The following STARD13 variants were observed in gnomAD, a reference collection of about 807,000 sequenced individuals.
The protein encoded by STARD13 is StAR related lipid transfer domain containing 13, also known as stAR-related lipid transfer protein 13.
A neutral mutation model predicts 106.4 loss-of-function variants in STARD13; 62 were observed. The observed-to-expected ratio is 0.58, with a 90% CI of 0.48 to 0.72. The LOEUF (loss-of-function observed/expected upper bound fraction) is 0.72. Ranked by LOEUF, STARD13 falls within the 30% of genes least tolerant of loss-of-function variation. The probability of loss-of-function intolerance (pLI) is 0.00; values close to 1 mark genes in which losing one functional copy is unlikely to be tolerated. For synonymous variants in STARD13, 565 were observed against 553.0 expected (o/e 1.02, Z -0.31); for missense variants, 1,387 against 1,424.0 (o/e 0.97, Z 0.42).
At chr13:33,296,770 C>T (rs879788968) in intron 1 of STARD13, among the ~76,000 whole-genome samples, 7 of 152,204 alleles carry the variant, frequency 4.6e-5, no homozygotes, top group African/African-American at 1.4e-4. Flanking sequence ...AGGGGCCCCC[C>T]ACCACGCCCA....
At chr13:33,504,150 G>A in the STARD13 span, among the ~76,000 whole-genome samples, 1 of 152,154 alleles carries the variant, frequency 6.6e-6, no homozygotes, top group African/African-American at 2.4e-5. Context: ...CTTTTACACT[G>A]TTGGTGGGAC....
At chr13:33,385,429 AACT>A in the STARD13 span, among the ~76,000 whole-genome samples, 1 of 145,864 alleles carries the variant, frequency 6.9e-6, no homozygotes, top group East Asian at 2.0e-4. Flanking sequence ...AAGCCAGAGG[AACT>A]GGTAACTGAG....
the STARD13 span, among the ~76,000 whole-genome samples, chr13:33,447,252 G>A: frequency 6.6e-6 from 1 of 152,190 alleles, no homozygotes; most frequent in South Asian, 2.1e-4. Context: ...ACAACTATGT[G>A]CCCTAGGCAA....
the STARD13 span, among the ~76,000 whole-genome samples, chr13:33,660,164 A>G: frequency 9.8e-5 from 10 of 102,090 alleles, no homozygotes; most frequent in African/African-American, 3.3e-4. Flanking sequence ...AAGCAGAACC[A>G]TGGTTTTTAT....
At chr13:33,584,718 C>T in the STARD13 span, among the ~76,000 whole-genome samples, 1 of 152,116 alleles carries the variant, frequency 6.6e-6, no homozygotes, top group Admixed American at 6.5e-5. Context: ...TACCTTAAGA[C>T]TGTCCCTGTT....
the STARD13 span, among the ~76,000 whole-genome samples, chr13:33,505,427 A>G: frequency 1.3e-5 from 2 of 152,198 alleles, no homozygotes; most frequent in Non-Finnish European, 2.9e-5. Context: ...ACAAAAATGA[A>G]TCTTTATATA....
chr13:33,454,030 T>C, the STARD13 span, among the ~76,000 whole-genome samples: 1 of 152,230 alleles, frequency 6.6e-6, no homozygotes, highest in Admixed American at 6.5e-5. Flanking sequence ...TTACTTAATG[T>C]CTCATCTCCT....
At chr13:33,460,223 C>G in the STARD13 span, among the ~76,000 whole-genome samples, 2 of 151,850 alleles carry the variant, frequency 1.3e-5, no homozygotes, top group African/African-American at 2.4e-5. Flanking sequence ...CACGATGGCT[C>G]ATGTCTGTAA....
At chr13:33,183,500 C>T (rs1594065223) in intron 1 of STARD13, among the ~76,000 whole-genome samples, 1 of 152,242 alleles carries the variant, frequency 6.6e-6, no homozygotes, top group African/African-American at 2.4e-5. Context: ...GGCTGAAGGG[C>T]ACATGCCAGG....
rs140558011 is a variant in STARD13 at position 33,157,476 on chromosome 13, T to C, written c.323+7861A>G. On this transcript the variant is annotated intron_variant, in intron 3 of 13. Transcript: ENST00000336934. ...TGAGGTCACGAGTTTGAAACCAGCC[T>C]GGCCAACATGGAGAAACCCCATCGC... Among the ~76,000 whole-genome samples the C allele has an allele frequency of 3.4e-3, 518 of 152,294 alleles. 5 individuals carry two copies. Among genetic ancestry groups the C allele is most frequent in the African/African-American group, 0.012 (492 of 41,554 alleles).
At chr13:33,431,468 T>G in the STARD13 span, among the ~76,000 whole-genome samples, 1 of 152,250 alleles carries the variant, frequency 6.6e-6, no homozygotes, top group Non-Finnish European at 1.5e-5. Context: ...GACTCACATT[T>G]GTAGCTCACA....
At chr13:33,633,235 A>G in the STARD13 span, among the ~76,000 whole-genome samples, 714 of 152,324 alleles carry the variant, frequency 4.7e-3, 14 homozygotes, top group African/African-American at 0.016. Flanking sequence ...CTAAGGAAAG[A>G]TTTGATGGTT....
chr13:33,660,413 A>G, the STARD13 span, among the ~76,000 whole-genome samples: 2,386 of 152,316 alleles, frequency 0.016, 53 homozygotes, highest in African/African-American at 0.053. Context: ...AAAGTTGCCA[A>G]ATCTTACATT....
the STARD13 span, among the ~76,000 whole-genome samples, chr13:33,379,561 C>T: frequency 6.6e-6 from 1 of 152,254 alleles, no homozygotes; most frequent in African/African-American, 2.4e-5. Context: ...TGCCTGTTCT[C>T]TCACTGGGAA....
chr13:33,153,912 A>G (rs1218799531), intron 3 of STARD13, among the ~76,000 whole-genome samples: 1 of 152,122 alleles, frequency 6.6e-6, no homozygotes, highest in Non-Finnish European at 1.5e-5. Flanking sequence ...GGGCCCTCCA[A>G]GACATTCAGG....
Position 33,285,388 on chromosome 13 carries a change from C to A in STARD13, c.169+82G>T, listed in dbSNP as rs1210831774. ...CCATATGTTATAAAGTGGAAACAAA[C>A]AAACAAAAAAAACTGGGTTAGCATG... On this transcript the variant is annotated intron_variant, in intron 1 of 13. Coordinates refer to ENST00000336934, the MANE Select transcript of STARD13 (RefSeq NM_178006.4). 4 of 1,444,536 alleles carry A rather than the reference C, an allele frequency of 2.8e-6. No individual in the cohort carries two copies. The African/African-American group carries it at 4.3e-5, about 15-fold the overall frequency. The allele number at this position is 1,444,536 out of a possible 1,614,324, so 89.5% of individuals were successfully genotyped here. A position where few individuals can be genotyped will look rare whatever the true frequency, so the allele number is the denominator to read the frequency against.
the STARD13 span, among the ~76,000 whole-genome samples, chr13:33,508,277 C>A: frequency 6.6e-6 from 1 of 152,132 alleles, no homozygotes; most frequent in Non-Finnish European, 1.5e-5. Flanking sequence ...GACAGGCCAA[C>A]AAAGGAATAT....
intron 1 of STARD13, among the ~76,000 whole-genome samples, chr13:33,270,635 G>C (rs904663011): frequency 6.6e-6 from 1 of 152,120 alleles, no homozygotes; most frequent in Admixed American, 6.5e-5. Context: ...GAGAACCCAG[G>C]CCTCCCGTAC....
chr13:33,142,789 G>T (rs750588212), intron 3 of STARD13, among the ~76,000 whole-genome samples: 1 of 152,172 alleles, frequency 6.6e-6, no homozygotes, highest in African/African-American at 2.4e-5. Context: ...GATCTCAGGT[G>T]GTTGGGTATA....
Sources: allele counts gnomAD v4.1 joint callset (sites outside exome capture counted in the v4.1 genomes callset), GRCh38; gene constraint gnomAD v4.1.1; transcripts MANE v1.5; gene names NCBI Gene and HGNC (gene_info 2026-07-23, HGNC 2026-07-21).